JAZF1: variants seen among roughly 807,000 people sequenced by gnomAD.
JAZF1 encodes the protein JAZF zinc finger 1, also known as juxtaposed with another zinc finger protein 1.
A neutral mutation model predicts 26.4 loss-of-function variants in JAZF1; 8 were observed. The ratio of observed to expected loss-of-function variants is 0.30; its 90% CI spans 0.18 to 0.55. JAZF1 has a LOEUF of 0.55. Ranked by LOEUF, JAZF1 falls within the 20% of genes least tolerant of loss-of-function variation. JAZF1 has a pLI of 0.94. For synonymous variants in JAZF1, 126 were observed against 122.3 expected, an observed-to-expected ratio of 1.03 and a Z score of -0.20; for missense variants, 199 against 322.0, an observed-to-expected ratio of 0.62 and a Z score of 2.92.
chr7:27,837,439 A>C (rs1160410761), intron 4 of JAZF1, among the ~76,000 whole-genome samples: 1 of 152,228 alleles, frequency 6.6e-6, no homozygotes, highest in Non-Finnish European at 1.5e-5. Context: ...CCCCGTTCCC[A>C]TGGGCTACAC....
chr7:27,929,964 CT>C (rs907025088), intron 2 of JAZF1, among the ~76,000 whole-genome samples: 5 of 149,084 alleles, frequency 3.4e-5, no homozygotes, highest in South Asian at 2.1e-4. Flanking sequence ...CTCTCTCCCC[CT>C]CTCTCCCTCC....
intron 2 of JAZF1, among the ~76,000 whole-genome samples, chr7:27,952,906 C>T (rs1785035141): frequency 6.6e-6 from 1 of 152,212 alleles, no homozygotes; most frequent in Non-Finnish European, 1.5e-5. Context: ...TATTTGATCT[C>T]TTAAATGTTA....
chr7:28,033,818 C>T (rs1156845030), intron 1 of JAZF1, among the ~76,000 whole-genome samples: 1 of 152,172 alleles, frequency 6.6e-6, no homozygotes, highest in African/African-American at 2.4e-5. Flanking sequence ...TCTCGGCTCA[C>T]CACAATCTCC....
chr7:27,884,952 G>C (rs936178714), intron 3 of JAZF1, among the ~76,000 whole-genome samples: 1 of 152,182 alleles, frequency 6.6e-6, no homozygotes, highest in African/African-American at 2.4e-5. Context: ...CTGCCGGGCG[G>C]AGGGATAATG....
intron 3 of JAZF1, among the ~76,000 whole-genome samples, chr7:27,847,998 G>A (rs1437538778): frequency 1.3e-5 from 2 of 152,120 alleles, no homozygotes; most frequent in Admixed American, 6.5e-5. Context: ...GAACTGTGAT[G>A]CCTCCAACTT....
At chr7:28,040,627 C>G (rs139251352) in intron 1 of JAZF1, among the ~76,000 whole-genome samples, 1 of 152,012 alleles carries the variant, frequency 6.6e-6, no homozygotes, top group South Asian at 2.1e-4. Context: ...CTAGGCCACC[C>G]GGCAGATGAG....
At chr7:27,940,200 T>C (rs1460733232) in intron 2 of JAZF1, among the ~76,000 whole-genome samples, 1 of 152,112 alleles carries the variant, frequency 6.6e-6, no homozygotes, top group Non-Finnish European at 1.5e-5. Flanking sequence ...CCTCTTCATG[T>C]TTAGTTTTGA....
In JAZF1 at chr7:28,125,346, C is replaced by T. The variant is rs547325843; in HGVS notation, c.115+55117G>A. Among the ~76,000 whole-genome samples, 6 of 151,948 alleles carry T rather than the reference C, an allele frequency of 3.9e-5. No homozygotes were observed. In the South Asian group the frequency reaches 6.2e-4, roughly 16 times the overall value. On this transcript the variant is annotated intron_variant, in intron 1 of 4. Transcript: ENST00000283928. ...AATCACAGAAATAAATGTAGTAAAACGATAATTTATCTGTCACAATTTACC... is the reference window on the plus strand; with the variant it reads ...AATCACAGAAATAAATGTAGTAAAATGATAATTTATCTGTCACAATTTACC...
intron 1 of JAZF1, among the ~76,000 whole-genome samples, chr7:28,133,698 C>T (rs1284188049): frequency 1.3e-5 from 2 of 152,216 alleles, no homozygotes; most frequent in African/African-American, 4.8e-5. Context: ...CCCCACCAAC[C>T]TCACCACAGT....
intron 2 of JAZF1, among the ~76,000 whole-genome samples, chr7:27,959,562 C>T (rs927296309): frequency 6.6e-6 from 1 of 152,178 alleles, no homozygotes; most frequent in Non-Finnish European, 1.5e-5. Context: ...CACGAGTATA[C>T]AGTAACCATT....
intron 2 of JAZF1, among the ~76,000 whole-genome samples, chr7:27,935,397 G>C (rs1368083126): frequency 6.6e-6 from 1 of 152,180 alleles, no homozygotes; most frequent in East Asian, 1.9e-4. Flanking sequence ...TGACATATGT[G>C]ATAACATGGA....
At chr7:28,095,449 C>T (rs1436788445) in intron 1 of JAZF1, among the ~76,000 whole-genome samples, 1 of 152,110 alleles carries the variant, frequency 6.6e-6, no homozygotes, top group Non-Finnish European at 1.5e-5. Context: ...ACAAAGCCAT[C>T]AGATCTTGTG....
chr7:27,908,739 T>C (rs1784306408), intron 2 of JAZF1, among the ~76,000 whole-genome samples: 1 of 152,222 alleles, frequency 6.6e-6, no homozygotes, highest in Admixed American at 6.5e-5. Context: ...CAATGCACTT[T>C]TTGTTCTGTT....
At chr7:28,053,117 C>T (rs1182484307) in intron 1 of JAZF1, among the ~76,000 whole-genome samples, 1 of 152,116 alleles carries the variant, frequency 6.6e-6, no homozygotes, top group African/African-American at 2.4e-5. Context: ...GCATAATGAC[C>T]TTGAGGGTTA....
chr7:28,117,943 C>A (rs1243235318), intron 1 of JAZF1, among the ~76,000 whole-genome samples: 1 of 152,010 alleles, frequency 6.6e-6, no homozygotes, highest in African/African-American at 2.4e-5. Context: ...TGGCAAAACT[C>A]ACAGAATTCT....
chr7:27,920,908 C>A (rs568526083), intron 2 of JAZF1, among the ~76,000 whole-genome samples: 19 of 152,192 alleles, frequency 1.2e-4, no homozygotes, highest in Non-Finnish European at 2.8e-4. Context: ...TGGCAAGTCT[C>A]ACCTGCCCGT....
intron 2 of JAZF1, among the ~76,000 whole-genome samples, chr7:27,941,343 A>C (rs953813480): frequency 6.6e-6 from 1 of 152,178 alleles, no homozygotes; most frequent in African/African-American, 2.4e-5. Context: ...GCAAATTAGC[A>C]CTGTAAATAT....
At position 27,927,509 on chromosome 7, in the gene JAZF1, A is replaced by G. The variant is rs111271531; in HGVS notation, c.189-32093T>C. Among the ~76,000 whole-genome samples, 218 of 152,284 alleles carry G rather than the reference A, an allele frequency of 1.4e-3. 1 individual carries two copies. Among genetic ancestry groups the G allele is most frequent in the African/African-American group, 5.0e-3 (208 of 41,554 alleles). ...TCTTCCTTATAGTGTTGTTGTATGC[A>G]TTAAATCATATAATAACTATAAAGT... On this transcript the variant is annotated intron_variant, in intron 2 of 4. Coordinates refer to ENST00000283928, the MANE Select transcript of JAZF1 (RefSeq NM_175061.4).
intron 3 of JAZF1, among the ~76,000 whole-genome samples, chr7:27,885,862 A>G (rs1783852126): frequency 6.6e-6 from 1 of 152,212 alleles, no homozygotes; most frequent in Non-Finnish European, 1.5e-5. Flanking sequence ...AAAAATAAAC[A>G]TGCACAAGCA....
Sources: gnomAD v4.1 joint callset for allele counts (sites outside exome capture counted in the v4.1 genomes callset) on GRCh38, gnomAD v4.1.1 for gene constraint, MANE v1.5 for transcripts, NCBI Gene and HGNC (gene_info 2026-07-23, HGNC 2026-07-21) for gene names.